Variants in IARS2 observed in about 807,000 individuals in gnomAD.
IARS2 encodes isoleucine--tRNA ligase, mitochondrial.
A neutral mutation model predicts 126.3 loss-of-function variants in IARS2; 56 were observed. The observed-to-expected ratio is 0.44, with a 90% confidence interval of 0.36 to 0.55. The LOEUF is 0.55. IARS2 is among the 20% of genes least tolerant of loss of function. IARS2 has a pLI of 0.00. For synonymous variants in IARS2, 407 were observed against 441.1 expected (o/e 0.92, Z 0.97); for missense variants, 1,127 against 1,245.9 (o/e 0.90, Z 1.44).
chr1:220,146,724 T>G (rs1393209230), intron 22 of IARS2, among the ~76,000 whole-genome samples: 1 of 152,066 alleles, frequency 6.6e-6, no homozygotes, highest in African/African-American at 2.4e-5. Context: ...CAGGCTGGAG[T>G]GCAATGGCGC....
chr1:220,111,374 C>G (rs1656796165), intron 11 of IARS2, among the ~76,000 whole-genome samples: 3 of 151,842 alleles, frequency 2.0e-5, no homozygotes, highest in African/African-American at 7.3e-5. Flanking sequence ...TTTTTTAAAC[C>G]CTTTGCTTCC....
At chr1:220,126,992 T>G in intron 14 of IARS2, 149 bp downstream of exon 14, 2 of 542,954 alleles carry the variant, frequency 3.7e-6, no homozygotes, top group Non-Finnish European at 3.2e-6. Context: ...CCTTAGAGTT[T>G]ACTTAATCCA....
intron 15 of IARS2, among the ~76,000 whole-genome samples, chr1:220,135,854 C>T (rs1419485560): frequency 3.7e-5 from 5 of 134,240 alleles, no homozygotes; most frequent in Middle Eastern, 3.7e-3. Flanking sequence ...ATAGTTTTTC[C>T]GCTATCACCA....
intron 2 of IARS2, among the ~76,000 whole-genome samples, chr1:220,099,236 T>TATAAA (rs57445760): frequency 7.0e-6 from 1 of 143,440 alleles, no homozygotes; most frequent in African/African-American, 2.6e-5. Flanking sequence ...AAAAAAGAAA[T>TATAAA]AAATATAATG....
intron 3 of IARS2, 75 bp from the exon 4 acceptor site, chr1:220,102,054 G>A (rs1656586236): frequency 7.4e-7 from 1 of 1,358,022 alleles, no homozygotes; most frequent in Middle Eastern, 2.4e-4. Context: ...TGCATTTAGA[G>A]AGATACATGC....
rs1456801228 is a variant in IARS2, at chr1:220,143,060, A to G, written c.2677A>G (p.Ile893Val). Reference protein sequence around the residue: ...CAMRDSFLGSIPGKNAAEYKV... With the variant: ...CAMRDSFLGSVPGKNAAEYKV... Reference sequence around the variant, plus strand: ...AATGCGAGACTCATTTCTTGGAAGCATCCCTGGCAAAAATGCAGCTGAGTA... The same window carrying G: ...AATGCGAGACTCATTTCTTGGAAGCGTCCCTGGCAAAAATGCAGCTGAGTA... The change falls in exon 21 of 23, where the codon ATC (isoleucine) becomes GTC (valine). Residue 893 changes from isoleucine to valine, a missense_variant. Transcript: ENST00000366922. 2 of 1,614,070 alleles carry G rather than the reference A, an allele frequency of 1.2e-6. No homozygotes were observed.
At position 220,145,597 on chromosome 1, in the gene IARS2, G is replaced by A. The variant is rs142486733; in HGVS notation, c.2840G>A (p.Arg947Gln). 7.6e-5 allele frequency: 123 copies of A among 1,613,694 alleles called. 2 individuals carry two copies. Among genetic ancestry groups the A allele is most frequent in the South Asian group, 4.4e-4 (40 of 91,060 alleles). The change falls in exon 22 of 23, where the codon CGA (arginine) becomes CAA (glutamine). Residue 947 changes from arginine (R) to glutamine (Q), a missense_variant. Transcript: ENST00000366922. ...TCAACTTTACTGGCTCAGGAACCAC[G>A]AGAGATGACTGCAGATGTAATCGAG... ...SESTLLAQEP[R>Q]EMTADVIELK...
chr1:220,126,961 A>C (rs769833497), intron 14 of IARS2, 118 bp downstream of exon 14: 6 of 695,826 alleles, frequency 8.6e-6, no homozygotes, highest in Admixed American at 3.0e-5. Context: ...GAGATCTGCT[A>C]TATTTTAGAC....
chr1:220,142,067 C>A (rs1266210800), intron 20 of IARS2, 119 bp downstream of exon 20: 1 of 925,522 alleles, frequency 1.1e-6, no homozygotes, highest in Non-Finnish European at 1.6e-6. Context: ...CTGTGTGACA[C>A]AGTGTGTCTT....
At chr1:220,135,895 A>G (rs1177323539) in intron 15 of IARS2, among the ~76,000 whole-genome samples, 2 of 150,616 alleles carry the variant, frequency 1.3e-5, no homozygotes, top group African/African-American at 2.5e-5. Flanking sequence ...CCAACACACT[A>G]AAAAGTTTTC....
At position 220,094,161 on chromosome 1, in the gene IARS2, T is replaced by A; in HGVS notation, c.-56T>A. The stretch of plus-strand genomic sequence containing the variant: ...GGCTCCCCTTGGTTTCCTGGGGTCC[T>A]GCCCCTTCAAGCTGGGGCGGGAGCG... On this transcript the variant is annotated 5_prime_UTR_variant, in exon 1 of 23. Coordinates refer to ENST00000366922, the MANE Select transcript of IARS2 (RefSeq NM_018060.4). The A allele has an allele frequency of 6.9e-7, 1 of 1,447,724 alleles. No homozygotes were observed. The highest frequency in any genetic ancestry group is 9.1e-7 in the Non-Finnish European group (1 of 1,097,814). The allele number at this position is 1,447,724 out of a possible 1,614,324, so 89.7% of individuals were successfully genotyped here.
chr1:220,129,268 C>T (rs1324023573), intron 14 of IARS2, among the ~76,000 whole-genome samples: 3 of 152,074 alleles, frequency 2.0e-5, no homozygotes, highest in South Asian at 2.1e-4. Context: ...TTATTGAGTA[C>T]GTGTAGTGTT....
intron 14 of IARS2, among the ~76,000 whole-genome samples, chr1:220,131,112 T>G (rs1162446847): frequency 6.6e-6 from 1 of 152,204 alleles, no homozygotes; most frequent in African/African-American, 2.4e-5. Context: ...ATTTTCCATA[T>G]GAATTTTTCT....
At chr1:220,122,941 A>G (rs913149316) in intron 12 of IARS2, among the ~76,000 whole-genome samples, 10 of 151,954 alleles carry the variant, frequency 6.6e-5, no homozygotes, top group African/African-American at 2.4e-4. Flanking sequence ...ATTGTAAAAA[A>G]AAAAAGGCAA....
intron 15 of IARS2, among the ~76,000 whole-genome samples, chr1:220,135,697 G>A (rs1368753626): frequency 6.9e-6 from 1 of 145,488 alleles, no homozygotes; most frequent in African/African-American, 2.6e-5. Context: ...GCGTTTTAAA[G>A]ACCAGTAAAA....
intron 3 of IARS2, among the ~76,000 whole-genome samples, 160 bp from the exon 4 acceptor site, chr1:220,101,969 C>T (rs988201755): frequency 6.6e-6 from 1 of 152,214 alleles, no homozygotes; most frequent in African/African-American, 2.4e-5. Context: ...GCCACTCGCG[C>T]CACTGCACTC....
chr1:220,095,637 C>CA (rs1656422834), intron 1 of IARS2, among the ~76,000 whole-genome samples: 2 of 151,826 alleles, frequency 1.3e-5, no homozygotes, highest in African/African-American at 4.8e-5. Flanking sequence ...GTAACCTGGA[C>CA]AAAATCATAC....
intron 14 of IARS2, among the ~76,000 whole-genome samples, chr1:220,133,236 G>C (rs757635323): frequency 2.0e-5 from 3 of 151,964 alleles, no homozygotes; most frequent in Non-Finnish European, 4.4e-5. Flanking sequence ...TCGAACTCCT[G>C]ACCTCAGGAT....
At chr1:220,121,567 C>T (rs1034206125) in intron 12 of IARS2, among the ~76,000 whole-genome samples, 1 of 151,948 alleles carries the variant, frequency 6.6e-6, no homozygotes. Flanking sequence ...TTTAAAATGT[C>T]ATTGAATTTT....
Sources: gnomAD v4.1 joint callset for allele counts (sites outside exome capture counted in the v4.1 genomes callset) on GRCh38, gnomAD v4.1.1 for gene constraint, MANE v1.5 for transcripts, NCBI Gene and HGNC (gene_info 2026-07-23, HGNC 2026-07-21) for gene names.